The following ITPR1 variants were observed in gnomAD, a reference collection of about 807,000 sequenced individuals.
The protein encoded by ITPR1 is inositol 1,4,5-trisphosphate-gated calcium channel ITPR1.
Under a neutral mutation model 318.4 loss-of-function variants are expected in ITPR1, and 96 were observed. The ratio of observed to expected loss-of-function variants is 0.30; its 90% confidence interval spans 0.26 to 0.36. The LOEUF is 0.36. ITPR1 is among the 10% of genes least tolerant of loss of function. The probability of loss-of-function intolerance (pLI) is 1.00; values close to 1 mark genes in which losing one functional copy is unlikely to be tolerated. For synonymous variants in ITPR1, 1,312 were observed against 1,289.9 expected, an observed-to-expected ratio of 1.02 and a Z score of -0.37; for missense variants, 2,440 against 3,460.2, an observed-to-expected ratio of 0.71 and a Z score of 7.40.
chr3:4,621,098 C>A (rs1416264957), intron 4 of ITPR1, among the ~76,000 whole-genome samples: 6 of 152,168 alleles, frequency 3.9e-5, no homozygotes, highest in African/African-American at 1.2e-4. Flanking sequence ...CAATCCCACT[C>A]CTCATTCTTC....
In ITPR1 at chr3:4,800,464, C is replaced by T; in HGVS notation, c.6971C>T (p.Ala2324Val). The change falls in exon 54 of 62, where the codon GCC (alanine) becomes GTC (valine). Residue 2324 changes from alanine (A) to valine (V), a missense_variant. Ala to Val is a moderately conservative substitution (Grantham distance 64, BLOSUM62 0). Around this residue, in one of 23 missense-constraint regions of ITPR1, gnomAD observed 126 missense variants for 150.8 expected, o/e 0.84. Coordinates refer to ENST00000649015, the MANE Select transcript of ITPR1 (RefSeq NM_001378452.1). ...EPHWSGLLWT[A>V]MLISLAIVIA... Reference sequence around the variant, plus strand: ...CACTGGTCGGGACTCCTGTGGACAGCCATGCTCATCTCTCTGGCCATCGTC... The same window carrying T: ...CACTGGTCGGGACTCCTGTGGACAGTCATGCTCATCTCTCTGGCCATCGTC... 4.3e-6 allele frequency: 7 copies of T among 1,614,068 alleles called. No individual in the cohort carries two copies. The highest frequency in any genetic ancestry group is 5.9e-6 in the Non-Finnish European group (7 of 1,179,902).
chr3:4,822,884 C>G (rs567113948), intron 60 of ITPR1, among the ~76,000 whole-genome samples: 9 of 152,254 alleles, frequency 5.9e-5, no homozygotes, highest in African/African-American at 2.2e-4. Flanking sequence ...CTTGGCAGAT[C>G]AAGGGAAGAG....
At chr3:4,642,066 C>G (rs1379579038) in intron 6 of ITPR1, 27 bp from the exon 7 acceptor site, 1 of 1,537,924 alleles carries the variant, frequency 6.5e-7, no homozygotes. Context: ...TGCTGACACT[C>G]ACTTTATTCT....
At chr3:4,829,886 G>C (rs114507146) in intron 60 of ITPR1, among the ~76,000 whole-genome samples, 1,583 of 143,362 alleles carry the variant, frequency 0.011, 38 homozygotes, top group African/African-American at 0.038. Flanking sequence ...GCCTCAGGCT[G>C]TCTCTGATCT....
At chr3:4,558,301 G>A (rs1559444713) in intron 4 of ITPR1, among the ~76,000 whole-genome samples, 2 of 151,984 alleles carry the variant, frequency 1.3e-5, no homozygotes, top group Admixed American at 1.3e-4. Context: ...GAAACTCCAG[G>A]AAAAACTAAA....
At chr3:4,582,479 G>A (rs1022709866) in intron 4 of ITPR1, among the ~76,000 whole-genome samples, 3 of 152,082 alleles carry the variant, frequency 2.0e-5, no homozygotes, top group African/African-American at 4.8e-5. Flanking sequence ...CCTGTTCTCC[G>A]GTGTGGGTGT....
At chr3:4,832,687 A>G (rs549115520) in intron 60 of ITPR1, among the ~76,000 whole-genome samples, 6 of 152,292 alleles carry the variant, frequency 3.9e-5, no homozygotes, top group Non-Finnish European at 8.8e-5. Flanking sequence ...TGAATTTAAT[A>G]TAAAAATATT....
intron 4 of ITPR1, among the ~76,000 whole-genome samples, chr3:4,612,715 C>T (rs1278516928): frequency 5.3e-5 from 8 of 152,018 alleles, no homozygotes; most frequent in African/African-American, 1.4e-4. Flanking sequence ...GGCGAACCCC[C>T]GTCTCTACTA....
intron 44 of ITPR1, among the ~76,000 whole-genome samples, chr3:4,762,790 A>G (rs1000932110): frequency 2.6e-5 from 4 of 152,202 alleles, no homozygotes; most frequent in Non-Finnish European, 4.4e-5. Flanking sequence ...CAATTCCTCA[A>G]AGATTTAGAA....
chr3:4,634,593 T>C (rs1456659407), intron 5 of ITPR1, among the ~76,000 whole-genome samples: 1 of 152,210 alleles, frequency 6.6e-6, no homozygotes, highest in African/African-American at 2.4e-5. Flanking sequence ...GGAGGAGTAT[T>C]CCAAAATCTG....
chr3:4,771,837 C>A (rs952416942), intron 46 of ITPR1, among the ~76,000 whole-genome samples: 1 of 151,934 alleles, frequency 6.6e-6, no homozygotes, highest in Non-Finnish European at 1.5e-5. Flanking sequence ...GGGGAGCGCA[C>A]GGGATCCTTT....
intron 4 of ITPR1, among the ~76,000 whole-genome samples, chr3:4,604,501 A>T (rs1274168221): frequency 1.3e-5 from 2 of 152,208 alleles, no homozygotes; most frequent in Non-Finnish European, 2.9e-5. Flanking sequence ...GGGGTGTTCA[A>T]TTCTGATGTG....
chr3:4,619,973 T>A (rs1392754512), intron 4 of ITPR1, among the ~76,000 whole-genome samples: 3 of 152,094 alleles, frequency 2.0e-5, no homozygotes, highest in Non-Finnish European at 4.4e-5. Flanking sequence ...TTTGGTTGCA[T>A]TTTAAAGTTA....
intron 4 of ITPR1, among the ~76,000 whole-genome samples, chr3:4,568,861 T>C (rs2087676392): frequency 6.6e-6 from 1 of 152,186 alleles, no homozygotes; most frequent in African/African-American, 2.4e-5. Context: ...GAGGTTTAAT[T>C]GGCTCACAGT....
chr3:4,665,166 C>T lies in ITPR1; in HGVS notation c.1583C>T (p.Thr528Ile). 1 of 1,614,050 alleles carries T rather than the reference C, an allele frequency of 6.2e-7. No individual in the cohort carries two copies. Among genetic ancestry groups the T allele is most frequent in the South Asian group, 1.1e-5 (1 of 91,088 alleles). ...TTCAAGTTGTTACAAGCCCCATTCA[C>T]AGACTGCGGTGATGGCCCAATGCTT... ...QIFKLLQAPF[T>I]DCGDGPMLRL... Residue 528 changes from threonine to isoleucine, a missense_variant, in exon 17 of 62, where the codon ACA (threonine) becomes ATA (isoleucine). This residue lies in a region of ITPR1 where 478 missense variants were observed against 696.3 expected (regional missense o/e 0.69). Coordinates refer to ENST00000649015, the MANE Select transcript of ITPR1 (RefSeq NM_001378452.1).
At chr3:4,586,400 A>G (rs1425186259) in intron 4 of ITPR1, among the ~76,000 whole-genome samples, 1 of 152,056 alleles carries the variant, frequency 6.6e-6, no homozygotes, top group Non-Finnish European at 1.5e-5. Context: ...ATGGTTAGCT[A>G]GAAGTGTTAA....
At position 4,627,302 on chromosome 3, in the gene ITPR1, A is replaced by G. The variant is rs574625857; in HGVS notation, c.164-461A>G. Among the ~76,000 whole-genome samples the G allele has an allele frequency of 4.3e-4, 66 of 152,250 alleles. 1 individual carries two copies. In the South Asian group the frequency reaches 0.013, roughly 31 times the overall value. On this transcript the variant is annotated intron_variant, in intron 4 of 61. Transcript: ENST00000649015. ...CAACGTGGCAAAACCCATCCCTACT[A>G]AAATATAAAAAATTAGCCAGGCTTG...
chr3:4,577,325 A>C (rs2088792612), intron 4 of ITPR1, among the ~76,000 whole-genome samples: 2 of 152,190 alleles, frequency 1.3e-5, no homozygotes, highest in South Asian at 4.1e-4. Context: ...AGTGCTTTTT[A>C]AACTTTAATT....
intron 4 of ITPR1, among the ~76,000 whole-genome samples, chr3:4,625,575 G>T (rs1293985276): frequency 1.3e-5 from 2 of 151,634 alleles, no homozygotes; most frequent in African/African-American, 4.8e-5. Context: ...TTATTTTTTT[G>T]AGACAGAGTC....
Sources: gnomAD v4.1 joint callset for allele counts (sites outside exome capture counted in the v4.1 genomes callset) on GRCh38, gnomAD v4.1.1 for gene constraint, gnomAD v4.1.1 regional missense constraint, MANE v1.5 for transcripts, NCBI Gene and HGNC (gene_info 2026-07-23, HGNC 2026-07-21) for gene names.